Variants in LTBP1 observed in about 807,000 individuals in gnomAD.
LTBP1 encodes the protein latent transforming growth factor beta binding protein 1, also known as latent-transforming growth factor beta-binding protein 1.
In LTBP1, 129 loss-of-function variants were observed where a neutral mutation model predicts 207.6. The ratio of observed to expected loss-of-function variants is 0.62; its 90% CI spans 0.54 to 0.72. The LOEUF is 0.72. Among genes scored for constraint, LTBP1 ranks in the 30% least tolerant of loss-of-function variants. The pLI, the probability that LTBP1 is intolerant of heterozygous loss-of-function variation, is 0.00. For synonymous variants in LTBP1, 963 were observed against 833.7 expected (o/e 1.16, Z -2.67); for missense variants, 2,281 against 2,217.2 (o/e 1.03, Z -0.58).
intron 4 of LTBP1, among the ~76,000 whole-genome samples, chr2:33,111,313 A>G (rs1341459803): frequency 2.0e-5 from 3 of 152,162 alleles, no homozygotes; most frequent in Non-Finnish European, 4.4e-5. Context: ...GCCTGGCTCA[A>G]AGGGTGGGGA....
At chr2:33,118,392 T>C (rs959409041) in intron 4 of LTBP1, among the ~76,000 whole-genome samples, 1 of 152,168 alleles carries the variant, frequency 6.6e-6, no homozygotes, top group African/African-American at 2.4e-5. Context: ...GAAGGAATAA[T>C]GATAAAGCTT....
rs74410730 is a variant in LTBP1, at chr2:32,955,899, C to T, written c.565+6954C>T. On this transcript the variant is annotated intron_variant, in intron 2 of 33. Transcript: ENST00000404816. ...AATACATCAGGGTTGTATTTGCAAGCATACCTCAGATATGGAGGGTTCAGT... is the reference window on the plus strand; with the variant it reads ...AATACATCAGGGTTGTATTTGCAAGTATACCTCAGATATGGAGGGTTCAGT... 5.8e-3 allele frequency among the ~76,000 whole-genome samples: 886 copies of T among 152,248 alleles called. 8 individuals are homozygous for T. Among genetic ancestry groups the T allele is most frequent in the African/African-American group, 0.02 (816 of 41,550 alleles).
At chr2:32,979,256 C>T (rs1682373201) in intron 2 of LTBP1, among the ~76,000 whole-genome samples, 1 of 150,928 alleles carries the variant, frequency 6.6e-6, no homozygotes, top group Admixed American at 6.6e-5. Context: ...TTAGTTTGCT[C>T]TTGCTTTCTA....
intron 3 of LTBP1, among the ~76,000 whole-genome samples, chr2:33,043,692 T>C (rs2076304016): frequency 6.6e-6 from 1 of 152,176 alleles, no homozygotes; most frequent in Non-Finnish European, 1.5e-5. Context: ...TGGCTGAGCA[T>C]GTTTTACATG....
chr2:33,076,562 G>T (rs1180360124), intron 3 of LTBP1, among the ~76,000 whole-genome samples: 1 of 151,420 alleles, frequency 6.6e-6, no homozygotes, highest in Non-Finnish European at 1.5e-5. Flanking sequence ...TTGAGATGGA[G>T]TTTCACTCTT....
At chr2:33,307,437 T>C (rs909447815) in intron 22 of LTBP1, among the ~76,000 whole-genome samples, 1 of 152,200 alleles carries the variant, frequency 6.6e-6, no homozygotes, top group African/African-American at 2.4e-5. Flanking sequence ...ATTCATCCAA[T>C]GGAATTCTAC....
chr2:33,201,401 T>C (rs1193993958), intron 7 of LTBP1, among the ~76,000 whole-genome samples: 3 of 150,232 alleles, frequency 2.0e-5, no homozygotes, highest in Non-Finnish European at 2.9e-5. Context: ...CACCGCATAT[T>C]CTCACTCATA....
At chr2:32,954,803 G>A (rs1387640309) in intron 2 of LTBP1, among the ~76,000 whole-genome samples, 2 of 152,108 alleles carry the variant, frequency 1.3e-5, no homozygotes, top group South Asian at 2.1e-4. Context: ...ATGGGTGGGC[G>A]GGGCTTTGAC....
chr2:33,364,279 C>G lies in LTBP1; in HGVS notation c.4463C>G (p.Ser1488Cys), dbSNP rs2094958786. The G allele has an allele frequency of 6.2e-7, 1 of 1,613,878 alleles. No homozygotes were observed. Among genetic ancestry groups the G allele is most frequent in the South Asian group, 1.1e-5 (1 of 91,084 alleles). ...GGCCAGTGTGTTAATACAGAGGGCT[C>G]TTACAACTGCTTCTGTACTCACCCC... ...IDGQCVNTEG[S>C]YNCFCTHPMV... is the part of the protein sequence containing the mutation. The change falls in exon 30 of 34, where the codon TCT becomes TGT. Residue 1488 changes from serine to cysteine, a missense_variant. Coordinates refer to ENST00000404816, the MANE Select transcript of LTBP1 (RefSeq NM_206943.4).
chr2:33,371,550 G>T (rs377359482), intron 31 of LTBP1, among the ~76,000 whole-genome samples: 1 of 152,168 alleles, frequency 6.6e-6, no homozygotes, highest in Non-Finnish European at 1.5e-5. Context: ...AATTTCTAGC[G>T]CTGTGAGAGA....
chr2:33,197,905 A>G (rs1001783238), intron 7 of LTBP1, among the ~76,000 whole-genome samples: 5 of 152,190 alleles, frequency 3.3e-5, no homozygotes, highest in Non-Finnish European at 7.3e-5. Context: ...GTGCTTCAAG[A>G]TTTCCTGTTT....
At chr2:33,097,149 G>A (rs2079442914) in intron 3 of LTBP1, among the ~76,000 whole-genome samples, 1 of 152,108 alleles carries the variant, frequency 6.6e-6, no homozygotes, top group Admixed American at 6.5e-5. Context: ...AAGGAGTCTT[G>A]ATGTTAAAAA....
At chr2:33,129,439 G>A (rs928656115) in intron 4 of LTBP1, among the ~76,000 whole-genome samples, 2 of 152,122 alleles carry the variant, frequency 1.3e-5, no homozygotes, top group Admixed American at 6.5e-5. Flanking sequence ...GTCCCACGGT[G>A]TCTCTTTCAA....
chr2:32,987,610 A>G (rs965857825), intron 2 of LTBP1, among the ~76,000 whole-genome samples: 1 of 152,188 alleles, frequency 6.6e-6, no homozygotes, highest in African/African-American at 2.4e-5. Context: ...TGTATGTGAG[A>G]ATCTTATAAT....
At chr2:33,012,088 G>A (rs1687749555) in intron 2 of LTBP1, among the ~76,000 whole-genome samples, 1 of 152,094 alleles carries the variant, frequency 6.6e-6, no homozygotes, top group Non-Finnish European at 1.5e-5. Flanking sequence ...GGTCTCCCTG[G>A]CTGGGTTGTG....
At chr2:33,284,807 G>C (rs2093631154) in intron 19 of LTBP1, among the ~76,000 whole-genome samples, 1 of 152,114 alleles carries the variant, frequency 6.6e-6, no homozygotes, top group Admixed American at 6.6e-5. Context: ...CTGAAGCTTA[G>C]TTTTATTATC....
chr2:33,045,253 C>T (rs929661866), intron 3 of LTBP1, among the ~76,000 whole-genome samples: 1 of 152,128 alleles, frequency 6.6e-6, no homozygotes, highest in Non-Finnish European at 1.5e-5. Flanking sequence ...TTAGGTCTTA[C>T]ATTTAAGTCT....
intron 3 of LTBP1, among the ~76,000 whole-genome samples, chr2:33,043,822 A>G (rs2076312417): frequency 2.0e-5 from 3 of 152,136 alleles, no homozygotes; most frequent in African/African-American, 7.2e-5. Flanking sequence ...AGGCATAGAG[A>G]AGGGAAGAGA....
At chr2:32,969,268 TGTG>T (rs1175895482) in intron 2 of LTBP1, among the ~76,000 whole-genome samples, 1 of 150,672 alleles carries the variant, frequency 6.6e-6, no homozygotes, top group Admixed American at 6.6e-5. Context: ...TGTGTGTGTG[TGTG>T]TTTTAATTTA....
Sources: allele counts gnomAD v4.1 joint callset (sites outside exome capture counted in the v4.1 genomes callset), GRCh38; gene constraint gnomAD v4.1.1; transcripts MANE v1.5; gene names NCBI Gene and HGNC (gene_info 2026-07-23, HGNC 2026-07-21).